Variants in GABPB1 observed in about 807,000 individuals in gnomAD.
GABPB1 encodes the protein GA binding protein transcription factor subunit beta 1, also known as GA-binding protein subunit beta-1.
GABPB1 carries 15 observed loss-of-function variants against 45.9 expected under a neutral mutation model. That is an observed-to-expected ratio of 0.33 (90% CI 0.22 to 0.50). The LOEUF (loss-of-function observed/expected upper bound fraction) is 0.50, where lower values mean the gene tolerates loss of function less well. GABPB1 is among the 20% of genes least tolerant of loss of function. The pLI, the probability that GABPB1 is intolerant of heterozygous loss-of-function variation, is 0.98. For synonymous variants in GABPB1, 143 were observed against 154.4 expected (o/e 0.93, Z 0.55); for missense variants, 252 against 457.5 (o/e 0.55, Z 4.10).
chr15:50,319,877 A>C (rs1396020489), intron 1 of GABPB1, among the ~76,000 whole-genome samples: 1 of 152,098 alleles, frequency 6.6e-6, no homozygotes, highest in African/African-American at 2.4e-5. Flanking sequence ...CAATAAACAA[A>C]CACATGTTTA....
At position 50,278,293 on chromosome 15, in the gene GABPB1, G is replaced by A. The variant is rs748042348; in HGVS notation, c.*339C>T. The A allele has an allele frequency of 1.2e-5, 2 of 167,188 alleles. No individual in the cohort carries two copies. The highest frequency in any genetic ancestry group is 2.4e-5 in the African/African-American group (1 of 41,622). 10.4% of individuals were successfully genotyped at this position (167,188 alleles called of 1,614,324 possible). A position where few individuals can be genotyped will look rare whatever the true frequency, so the allele number is the denominator to read the frequency against. ...ACCAACAACGATCACCCTTAAAACT[G>A]TTCCGTTTCTGAGAAATTAAGGTTT... On this transcript the variant is annotated 3_prime_UTR_variant, in exon 9 of 9. Transcript: ENST00000380877.
chr15:50,354,680 CGAGGCG>C (rs1294710595), intron 1 of GABPB1: 2 of 414,810 alleles, frequency 4.8e-6, no homozygotes, highest in South Asian at 3.4e-5. Context: ...CGGGTAGCCG[CGAGGCG>C]GCCGCGGCAT....
At position 50,300,697 on chromosome 15, in the gene GABPB1, G is replaced by T. The variant is rs893485894; in HGVS notation, c.697+92C>A. On this transcript the variant is annotated intron_variant, in intron 6 of 8. Coordinates refer to ENST00000380877, the MANE Select transcript of GABPB1 (RefSeq NM_016654.5). ...TGAGCTCAGGCAATCCACCCGCCTC[G>T]CCCTCCCAAAGTGCTAGGATTACAG... The T allele has an allele frequency of 2.7e-5, 20 of 748,748 alleles. No individual in the cohort carries two copies. In the Admixed American group the frequency reaches 3.8e-4, roughly 14 times the overall value. 46.4% of individuals were successfully genotyped at this position (748,748 alleles called of 1,614,324 possible).
Position 50,277,501 on chromosome 15 carries a change from A to C in GABPB1, c.*1131T>G, listed in dbSNP as rs2045858298. Reference sequence around the variant, plus strand: ...TGTCCATACATTGTGGAATTCAACAATATTGTGATGAGAGCAAGTCATAGC... The same window carrying C: ...TGTCCATACATTGTGGAATTCAACACTATTGTGATGAGAGCAAGTCATAGC... On this transcript the variant is annotated 3_prime_UTR_variant, in exon 9 of 9. Transcript: ENST00000380877. The C allele has an allele frequency of 6.6e-6, 1 of 152,204 alleles. No homozygotes were observed. Among genetic ancestry groups the C allele is most frequent in the Non-Finnish European group, 1.5e-5 (1 of 68,032 alleles). The allele number at this position is 152,204 out of a possible 1,614,324, so 9.4% of individuals were successfully genotyped here. A position where few individuals can be genotyped will look rare whatever the true frequency, so the allele number is the denominator to read the frequency against.
chr15:50,278,401 G>C lies in GABPB1; in HGVS notation c.*231C>G, dbSNP rs1405766955. 1 of 323,146 alleles carries C rather than the reference G, an allele frequency of 3.1e-6. No individual in the cohort carries two copies. Among genetic ancestry groups the C allele is most frequent in the African/African-American group, 2.2e-5 (1 of 46,152 alleles). 20.0% of individuals were successfully genotyped at this position (323,146 alleles called of 1,614,324 possible). On this transcript the variant is annotated 3_prime_UTR_variant, in exon 9 of 9. Coordinates refer to ENST00000380877, the MANE Select transcript of GABPB1 (RefSeq NM_016654.5). Reference sequence around the variant, plus strand: ...TCAACAATCTTTATCAACTCATTTGGAACTGTAAAAAAAAAAAAACTATTT... The same window carrying C: ...TCAACAATCTTTATCAACTCATTTGCAACTGTAAAAAAAAAAAAACTATTT...
intron 1 of GABPB1, chr15:50,349,146 T>A (rs1244971440): frequency 1.3e-5 from 2 of 152,232 alleles, no homozygotes; most frequent in South Asian, 4.1e-4. Flanking sequence ...TGAAGCTATT[T>A]ACAGTCTTTA....
intron 1 of GABPB1, among the ~76,000 whole-genome samples, chr15:50,319,895 T>C (rs2047497337): frequency 6.6e-6 from 1 of 152,154 alleles, no homozygotes; most frequent in Non-Finnish European, 1.5e-5. Flanking sequence ...TTACTGTACA[T>C]AAGAATTATA....
At chr15:50,335,433 C>T (rs1158013099) in intron 1 of GABPB1, among the ~76,000 whole-genome samples, 2 of 152,158 alleles carry the variant, frequency 1.3e-5, no homozygotes, top group Non-Finnish European at 2.9e-5. Flanking sequence ...TTGATATTGG[C>T]AAACATATTG....
chr15:50,280,352 T>A (rs958167625), intron 8 of GABPB1, among the ~76,000 whole-genome samples: 1 of 152,024 alleles, frequency 6.6e-6, no homozygotes, highest in African/African-American at 2.4e-5. Flanking sequence ...GTGCAGGACT[T>A]TAAGGACACC....
rs549092441 is a variant in GABPB1, at chr15:50,317,861, A to T, written c.1-8063T>A. ...GAGGCGGAGCTTGCAGTGAGCCGAG[A>T]TCGCGCCACCGCACTCCAGCCTGGG... is the stretch of plus-strand genomic sequence containing the variant. On this transcript the variant is annotated intron_variant, in intron 1 of 8. Transcript: ENST00000380877. Among the ~76,000 whole-genome samples, 6 of 151,902 alleles carry T rather than the reference A, an allele frequency of 3.9e-5. No individual in the cohort carries two copies. The South Asian group carries it at 1.2e-3, about 32-fold the overall frequency.
At chr15:50,289,726 A>G (rs2046286674) in intron 6 of GABPB1, 58 bp from the exon 7 acceptor site, 3 of 1,360,250 alleles carry the variant, frequency 2.2e-6, no homozygotes, top group Admixed American at 2.4e-5. Flanking sequence ...ATAGAAACCT[A>G]TTTTTGCTTT....
At chr15:50,344,605 C>G (rs1416554584) in intron 1 of GABPB1, among the ~76,000 whole-genome samples, 4 of 152,116 alleles carry the variant, frequency 2.6e-5, no homozygotes. Flanking sequence ...CTTTGGGAGG[C>G]CGAGGAGGGC....
At chr15:50,309,248 T>C (rs1462917141) in intron 2 of GABPB1, among the ~76,000 whole-genome samples, 1 of 152,194 alleles carries the variant, frequency 6.6e-6, no homozygotes, top group Non-Finnish European at 1.5e-5. Context: ...TTCCCATTCC[T>C]TTCTTCCTCT....
intron 1 of GABPB1, among the ~76,000 whole-genome samples, chr15:50,326,869 T>C (rs1487560385): frequency 6.6e-6 from 1 of 151,850 alleles, no homozygotes; most frequent in Admixed American, 6.6e-5. Flanking sequence ...AAACTGCACA[T>C]GATGAATTGC....
chr15:50,345,868 C>T (rs1567551311), intron 1 of GABPB1, among the ~76,000 whole-genome samples: 1 of 152,104 alleles, frequency 6.6e-6, no homozygotes, highest in Non-Finnish European at 1.5e-5. Context: ...CTCGCCACCA[C>T]GCCCAGCTAA....
intron 1 of GABPB1, chr15:50,352,402 T>C (rs1313059201): frequency 6.6e-6 from 1 of 152,132 alleles, no homozygotes; most frequent in African/African-American, 2.4e-5. Context: ...TGGCGCTATC[T>C]TGGCTTATTG....
At chr15:50,293,954 T>C (rs2046429394) in intron 6 of GABPB1, among the ~76,000 whole-genome samples, 1 of 152,172 alleles carries the variant, frequency 6.6e-6, no homozygotes, top group Non-Finnish European at 1.5e-5. Context: ...AGATTATTGA[T>C]TTTAAAAAAT....
intron 6 of GABPB1, 117 bp from the exon 7 acceptor site, chr15:50,289,785 T>TTTTTTTC: frequency 1.3e-6 from 1 of 782,498 alleles, no homozygotes; most frequent in Non-Finnish European, 2.0e-6. Context: ...TTTTCTTTTT[T>TTTTTTTC]AAATAGAGAT....
chr15:50,280,704 C>T (rs903083392), intron 8 of GABPB1, among the ~76,000 whole-genome samples: 2 of 151,624 alleles, frequency 1.3e-5, no homozygotes, highest in African/African-American at 4.9e-5. Flanking sequence ...AACTCCACCG[C>T]ACTCCAGCCT....
Sources: gnomAD v4.1 joint callset for allele counts (sites outside exome capture counted in the v4.1 genomes callset) on GRCh38, gnomAD v4.1.1 for gene constraint, MANE v1.5 for transcripts, NCBI Gene and HGNC (gene_info 2026-07-23, HGNC 2026-07-21) for gene names.